The following ABLIM3 variants were observed in gnomAD, a reference collection of about 807,000 sequenced individuals.
The protein encoded by ABLIM3 is actin-binding LIM protein 3.
ABLIM3 carries 61 observed loss-of-function variants against 109.5 expected under a neutral mutation model. The observed-to-expected ratio is 0.56, with a 90% CI of 0.45 to 0.69. The LOEUF is 0.69. Among genes scored for constraint, ABLIM3 ranks in the 30% least tolerant of loss-of-function variants. The pLI, the probability that ABLIM3 is intolerant of heterozygous loss-of-function variation, is 0.00. For missense variants in ABLIM3, 796 were observed against 889.5 expected (o/e 0.89, Z 1.34); for synonymous variants, 300 against 324.8 (o/e 0.92, Z 0.82).
At chr5:149,149,506 A>G (rs1265942650) in intron 2 of ABLIM3, among the ~76,000 whole-genome samples, 1 of 152,200 alleles carries the variant, frequency 6.6e-6, no homozygotes, top group Non-Finnish European at 1.5e-5. Flanking sequence ...GCTCCCGGGA[A>G]GCCTACAGGA....
intron 7 of ABLIM3, 112 bp from the exon 8 acceptor site, chr5:149,216,847 G>C (rs987519369): frequency 2.1e-5 from 20 of 942,098 alleles, no homozygotes; most frequent in Non-Finnish European, 3.1e-5. Context: ...CAACTTTAGG[G>C]CCATGAAGAT....
At chr5:149,250,242 G>A (rs1206997562) in intron 19 of ABLIM3, among the ~76,000 whole-genome samples, 1 of 152,170 alleles carries the variant, frequency 6.6e-6, no homozygotes, top group African/African-American at 2.4e-5. Context: ...CCTTGGGCAG[G>A]TACCTAGAAT....
chr5:149,226,855 G>A (rs529810632), intron 8 of ABLIM3, among the ~76,000 whole-genome samples: 1 of 152,112 alleles, frequency 6.6e-6, no homozygotes. Context: ...CAGATCACCT[G>A]AGGTTGGGAG....
At chr5:149,225,103 A>G (rs1190168918) in intron 8 of ABLIM3, among the ~76,000 whole-genome samples, 1 of 152,212 alleles carries the variant, frequency 6.6e-6, no homozygotes, top group Non-Finnish European at 1.5e-5. Flanking sequence ...TGGTCTACAG[A>G]AGCAATTCAC....
chr5:149,150,892 A>T (rs113345786), intron 2 of ABLIM3, among the ~76,000 whole-genome samples: 1 of 151,540 alleles, frequency 6.6e-6, no homozygotes, highest in Admixed American at 6.5e-5. Context: ...ATCTCTAATG[A>T]TAATTACAAG....
intron 2 of ABLIM3, among the ~76,000 whole-genome samples, chr5:149,165,652 T>C (rs560450387): frequency 1.3e-5 from 2 of 152,318 alleles, no homozygotes; most frequent in South Asian, 2.1e-4. Context: ...GATTGTCTTT[T>C]GTATGTACGC....
intron 11 of ABLIM3, among the ~76,000 whole-genome samples, chr5:149,238,824 C>T (rs760895166): frequency 8.5e-5 from 13 of 152,202 alleles, no homozygotes; most frequent in Non-Finnish European, 1.8e-4. Flanking sequence ...CCCTGCTTAG[C>T]CAGGGTGCTG....
At chr5:149,233,327 G>T (rs780874923) in intron 10 of ABLIM3, 27 bp downstream of exon 10, 1 of 1,609,326 alleles carries the variant, frequency 6.2e-7, no homozygotes, top group South Asian at 1.1e-5. Context: ...TACCACCAAA[G>T]GGCCTTCTTT....
At chr5:149,144,746 T>C (rs1752768302) in intron 2 of ABLIM3, among the ~76,000 whole-genome samples, 1 of 152,118 alleles carries the variant, frequency 6.6e-6, no homozygotes, top group Non-Finnish European at 1.5e-5. Context: ...AATTGTTGGG[T>C]TATGAAAGGT....
intron 3 of ABLIM3, among the ~76,000 whole-genome samples, chr5:149,196,414 T>G (rs879449935): frequency 2.0e-5 from 3 of 152,234 alleles, no homozygotes; most frequent in Non-Finnish European, 2.9e-5. Context: ...TTTCCCATCA[T>G]TGATCACCCT....
At chr5:149,186,154 T>A (rs1390993091) in intron 3 of ABLIM3, among the ~76,000 whole-genome samples, 2 of 152,116 alleles carry the variant, frequency 1.3e-5, no homozygotes, top group African/African-American at 4.8e-5. Flanking sequence ...AGTGGCTCAC[T>A]CCTGTAATCC....
intron 2 of ABLIM3, among the ~76,000 whole-genome samples, chr5:149,154,600 T>A (rs925427130): frequency 6.6e-6 from 1 of 152,374 alleles, no homozygotes; most frequent in African/African-American, 2.4e-5. Flanking sequence ...CAATCTTACA[T>A]GGGCCTTCCT....
At chr5:149,220,538 A>C (rs921742850) in intron 8 of ABLIM3, 3 of 152,188 alleles carry the variant, frequency 2.0e-5, no homozygotes, top group African/African-American at 7.2e-5. Context: ...GCAGTGCTAG[A>C]GTCACGCTCA....
intron 16 of ABLIM3, among the ~76,000 whole-genome samples, chr5:149,246,199 T>A (rs1463594865): frequency 6.6e-6 from 1 of 152,044 alleles, no homozygotes; most frequent in Non-Finnish European, 1.5e-5. Context: ...ACTCGTTCGC[T>A]ACTCTCAAAG....
At chr5:149,158,226 G>A (rs996869283) in intron 2 of ABLIM3, among the ~76,000 whole-genome samples, 1 of 152,272 alleles carries the variant, frequency 6.6e-6, no homozygotes, top group South Asian at 2.1e-4. Flanking sequence ...TGTCTATGGG[G>A]TATAATGTAT....
intron 11 of ABLIM3, 140 bp downstream of exon 11, chr5:149,237,743 G>A (rs1167006572): frequency 1.1e-5 from 12 of 1,120,814 alleles, no homozygotes; most frequent in South Asian, 1.8e-5. Flanking sequence ...TATGGCCAAC[G>A]TTTTTTAAAT....
At chr5:149,250,329 G>A in intron 19 of ABLIM3, 118 bp from the exon 20 acceptor site, 4 of 992,952 alleles carry the variant, frequency 4.0e-6, no homozygotes, top group Non-Finnish European at 6.3e-6. Context: ...GTGGCCTCTG[G>A]CCTCCACCCC....
chr5:149,207,174 G>T (rs1759074173), intron 6 of ABLIM3, 40 bp downstream of exon 6: 2 of 1,601,382 alleles, frequency 1.2e-6, no homozygotes, highest in Non-Finnish European at 8.5e-7. Flanking sequence ...CTGGGCCTCT[G>T]CATTCTGTGA....
intron 21 of ABLIM3, among the ~76,000 whole-genome samples, chr5:149,251,834 AG>A (rs1339157728): frequency 6.6e-6 from 1 of 152,224 alleles, no homozygotes; most frequent in Non-Finnish European, 1.5e-5. Flanking sequence ...AGCTCCTATG[AG>A]CAAGCTCAGG....
Sources: gnomAD v4.1 joint callset for allele counts (sites outside exome capture counted in the v4.1 genomes callset) on GRCh38, gnomAD v4.1.1 for gene constraint, MANE v1.5 for transcripts, NCBI Gene and HGNC (gene_info 2026-07-23, HGNC 2026-07-21) for gene names.